Variants in GGT7 observed in about 807,000 individuals in gnomAD.
The protein encoded by GGT7 is glutathione hydrolase 7.
Under a neutral mutation model 69.2 loss-of-function variants are expected in GGT7, and 30 were observed. That is an observed-to-expected ratio of 0.43 (90% CI 0.32 to 0.59). GGT7 has a LOEUF of 0.59. Ranked by LOEUF, GGT7 falls within the 20% of genes least tolerant of loss-of-function variation. The probability of loss-of-function intolerance (pLI) is 0.05; values close to 1 mark genes in which losing one functional copy is unlikely to be tolerated. For synonymous variants in GGT7, 388 were observed against 391.8 expected (o/e 0.99, Z 0.12); for missense variants, 733 against 901.1 (o/e 0.81, Z 2.39).
intron 8 of GGT7, 89 bp from the exon 9 acceptor site, chr20:34,855,012 C>G: frequency 7.9e-7 from 1 of 1,258,714 alleles, no homozygotes; most frequent in Non-Finnish European, 1.1e-6. Context: ...CCATCACACA[C>G]TGAGACCACT....
chr20:34,853,419 T>C (rs1428508001), intron 10 of GGT7, among the ~76,000 whole-genome samples: 7 of 151,598 alleles, frequency 4.6e-5, no homozygotes, highest in Admixed American at 4.6e-4. Flanking sequence ...AGAAACAATA[T>C]GTAATGCTCC....
At position 34,844,985 on chromosome 20, in the gene GGT7, G is replaced by T; in HGVS notation, c.*343C>A. 3.5e-6 allele frequency: 1 copy of T among 282,198 alleles called. No individual in the cohort carries two copies. The highest frequency in any genetic ancestry group is 6.7e-6 in the Non-Finnish European group (1 of 148,550). 17.5% of individuals were successfully genotyped at this position (282,198 alleles called of 1,614,324 possible). ...AAGATGTTGGGGTTGTGAGACCCTT[G>T]AGAAGGGTTTGCAAGCACATCCCTA... On this transcript the variant is annotated 3_prime_UTR_variant, in exon 15 of 15. Transcript: ENST00000336431.
At chr20:34,848,683 TAG>T (rs752425686) in intron 14 of GGT7, among the ~76,000 whole-genome samples, 21 of 152,362 alleles carry the variant, frequency 1.4e-4, no homozygotes, top group Admixed American at 3.3e-4. Flanking sequence ...CAGTAAAGAA[TAG>T]AGTCTTTGGT....
intron 10 of GGT7, 90 bp from the exon 11 acceptor site, chr20:34,852,628 G>T: frequency 7.9e-7 from 1 of 1,261,728 alleles, no homozygotes. Context: ...GTAATTATTT[G>T]ATGAAATCTA....
At chr20:34,847,767 A>G (rs566312822) in intron 14 of GGT7, among the ~76,000 whole-genome samples, 8 of 152,260 alleles carry the variant, frequency 5.3e-5, no homozygotes, top group East Asian at 3.9e-4. Flanking sequence ...TCATTTTTCC[A>G]TTTGTGATTA....
intron 14 of GGT7, among the ~76,000 whole-genome samples, chr20:34,848,387 C>T (rs891769950): frequency 6.6e-6 from 1 of 152,218 alleles, no homozygotes; most frequent in African/African-American, 2.4e-5. Flanking sequence ...TCCCCAGGGC[C>T]TCAGGTAGAT....
chr20:34,860,637 C>CTTTTT (rs533561120), intron 4 of GGT7, among the ~76,000 whole-genome samples: 1,822 of 113,364 alleles, frequency 0.016, 35 homozygotes, highest in African/African-American at 0.028. Context: ...CAACCCCTGC[C>CTTTTT]TTTTTTTTTT....
intron 1 of GGT7, among the ~76,000 whole-genome samples, chr20:34,865,211 C>T (rs2079669993): frequency 6.6e-6 from 1 of 152,046 alleles, no homozygotes; most frequent in Non-Finnish European, 1.5e-5. Flanking sequence ...TCTGTCACCC[C>T]AGCTGGAGTG....
intron 14 of GGT7, 135 bp from the exon 15 acceptor site, chr20:34,845,626 T>G: frequency 1.4e-6 from 1 of 727,016 alleles, no homozygotes; most frequent in Non-Finnish European, 2.3e-6. Flanking sequence ...CACTTTACCT[T>G]GCTGAGCCTC....
intron 1 of GGT7, 70 bp downstream of exon 1, chr20:34,872,577 T>C: frequency 3.7e-6 from 4 of 1,077,236 alleles, no homozygotes; most frequent in Admixed American, 4.1e-5. Context: ...TGGAGGTGGA[T>C]GCTTGACACA....
chr20:34,866,921 ACT>A (rs2079700024), intron 1 of GGT7, among the ~76,000 whole-genome samples: 1 of 150,798 alleles, frequency 6.6e-6, no homozygotes, highest in Non-Finnish European at 1.5e-5. Context: ...ATCTTCTGAG[ACT>A]CTCCCTCACT....
intron 1 of GGT7, among the ~76,000 whole-genome samples, chr20:34,870,164 A>T (rs988693720): frequency 2.1e-4 from 32 of 152,200 alleles, no homozygotes; most frequent in African/African-American, 7.5e-4. Flanking sequence ...GCTTGGAAGT[A>T]GGATTGGGAG....
At chr20:34,860,610 T>C (rs1323785484) in intron 4 of GGT7, among the ~76,000 whole-genome samples, 1 of 150,916 alleles carries the variant, frequency 6.6e-6, no homozygotes, top group African/African-American at 2.4e-5. Context: ...AAGACACCTG[T>C]CTACATTGGA....
intron 8 of GGT7, among the ~76,000 whole-genome samples, chr20:34,856,591 C>T (rs947613497): frequency 6.6e-6 from 1 of 152,182 alleles, no homozygotes; most frequent in Non-Finnish European, 1.5e-5. Flanking sequence ...CAGGTCCACC[C>T]CCCAATATCC....
At chr20:34,856,168 T>C (rs1342268410) in intron 8 of GGT7, among the ~76,000 whole-genome samples, 1 of 152,126 alleles carries the variant, frequency 6.6e-6, no homozygotes, top group Non-Finnish European at 1.5e-5. Flanking sequence ...GCCTGGAAAG[T>C]TGAACTCAGA....
At chr20:34,866,641 G>A (rs570833977) in intron 1 of GGT7, among the ~76,000 whole-genome samples, 3 of 151,714 alleles carry the variant, frequency 2.0e-5, no homozygotes, top group African/African-American at 4.8e-5. Context: ...GTGCAGTGGC[G>A]CAATCTCGGC....
chr20:34,845,194 G>T lies in GGT7; in HGVS notation c.*134C>A. On this transcript the variant is annotated 3_prime_UTR_variant, in exon 15 of 15. Coordinates refer to ENST00000336431, the MANE Select transcript of GGT7 (RefSeq NM_178026.3). ...AGAATTTTCCAGTTACTCTGGGATT[G>T]GGTTTGCTAAGCATCCCCTCTGGCC... is the stretch of plus-strand genomic sequence containing the variant. 1.8e-6 allele frequency: 1 copy of T among 544,158 alleles called. No homozygotes were observed. 33.7% of individuals were successfully genotyped at this position (544,158 alleles called of 1,614,324 possible).
intron 1 of GGT7, among the ~76,000 whole-genome samples, chr20:34,868,127 A>C (rs2079723351): frequency 6.6e-6 from 1 of 152,170 alleles, no homozygotes; most frequent in Admixed American, 6.5e-5. Flanking sequence ...TGGCCTCCCA[A>C]AGTGTTGGCA....
intron 8 of GGT7, among the ~76,000 whole-genome samples, chr20:34,856,072 C>T (rs1459625681): frequency 1.3e-5 from 2 of 152,300 alleles, no homozygotes; most frequent in Admixed American, 6.5e-5. Flanking sequence ...GGGTTATAGG[C>T]CTGAGCCACT....
Sources: allele counts gnomAD v4.1 joint callset (sites outside exome capture counted in the v4.1 genomes callset), GRCh38; gene constraint gnomAD v4.1.1; transcripts MANE v1.5; gene names NCBI Gene and HGNC (gene_info 2026-07-23, HGNC 2026-07-21).